The following ABI3BP variants were observed in gnomAD, a reference collection of about 807,000 sequenced individuals.
ABI3BP encodes ABI family member 3 binding protein, also known as target of Nesh-SH3.
In ABI3BP, 216 loss-of-function variants were observed where a neutral mutation model predicts 268.6. The ratio of observed to expected loss-of-function variants is 0.80; its 90% CI spans 0.72 to 0.90. ABI3BP has a LOEUF of 0.90. ABI3BP is among the 40% of genes least tolerant of loss of function. ABI3BP has a pLI of 0.00. For synonymous variants in ABI3BP, 730 were observed against 730.0 expected (o/e 1.00, Z 0.00); for missense variants, 2,090 against 2,182.4 (o/e 0.96, Z 0.84).
rs1267386670 is a variant in ABI3BP, at chr3:100,810,492, G to A, written c.3542-15C>T. 12 of 1,530,218 alleles carry A rather than the reference G, an allele frequency of 7.8e-6. No individual in the cohort carries two copies. The highest frequency in any genetic ancestry group is 3.6e-5 in the South Asian group (3 of 83,868). The allele number at this position is 1,530,218 out of a possible 1,614,324, so 94.8% of individuals were successfully genotyped here. A position where few individuals can be genotyped will look rare whatever the true frequency, so the allele number is the denominator to read the frequency against. On this transcript the variant is annotated splice_polypyrimidine_tract_variant and intron_variant, in intron 48 of 67. Coordinates refer to ENST00000471714, the MANE Select transcript of ABI3BP (RefSeq NM_001375547.2). ...AGGCGACGTTTCTATGGTAATTGAA[G>A]GAAAGTACGCGGGTTACTATAGCAC...
chr3:100,812,644 T>A, intron 45 of ABI3BP, 121 bp from the exon 46 acceptor site: 1 of 518,342 alleles, frequency 1.9e-6, no homozygotes, highest in Non-Finnish European at 3.0e-6. Context: ...TTATTAACAC[T>A]AAGGGAAGCT....
Position 100,778,366 on chromosome 3 carries a change from G to A in ABI3BP, c.4251C>T (p.Arg1417=). The change falls in exon 59 of 68, where the codon CGC becomes CGT. Residue 1417 remains arginine, a synonymous_variant. Coordinates refer to ENST00000471714, the MANE Select transcript of ABI3BP (RefSeq NM_001375547.2). ...THPTKKPGTR[R]PPLPPRPTHP... ...GTGTAGGTCTGGGTGGCAAGGGTGG[G>A]CGGCGAGTCCCTGGGATTGTGGATA... 1.3e-6 allele frequency: 2 copies of A among 1,586,986 alleles called. No homozygotes were observed. The highest frequency in any genetic ancestry group is 1.7e-6 in the Non-Finnish European group (2 of 1,168,008).
At chr3:100,885,050 G>A (rs1836986) in intron 6 of ABI3BP, among the ~76,000 whole-genome samples, 108,783 of 151,906 alleles carry the variant, frequency 0.72, 40,098 homozygotes, top group Non-Finnish European at 0.8. Flanking sequence ...GAAATGCCTG[G>A]TTCATAAAAC....
intron 4 of ABI3BP, among the ~76,000 whole-genome samples, chr3:100,887,428 A>G (rs1421622140): frequency 6.6e-6 from 1 of 152,100 alleles, no homozygotes; most frequent in Non-Finnish European, 1.5e-5. Flanking sequence ...TAAAGGGATA[A>G]CAAATACTGA....
chr3:100,923,676 T>G (rs1330085170), intron 2 of ABI3BP, among the ~76,000 whole-genome samples: 1 of 152,128 alleles, frequency 6.6e-6, no homozygotes, highest in Non-Finnish European at 1.5e-5. Context: ...CTGCAATAAC[T>G]TTTGTACCAA....
At chr3:100,918,313 CGTCCACCT>C (rs1411634977) in intron 2 of ABI3BP, among the ~76,000 whole-genome samples, 1 of 147,226 alleles carries the variant, frequency 6.8e-6, no homozygotes, top group East Asian at 1.9e-4. Context: ...CCCATCCACC[CGTCCACCT>C]GTCCACCCGT....
intron 20 of ABI3BP, chr3:100,844,242 G>A: frequency 1.0e-6 from 1 of 985,388 alleles, no homozygotes; most frequent in Non-Finnish European, 1.2e-6. Context: ...TTGGAAGACG[G>A]TCAAGTGAAA....
intron 1 of ABI3BP, among the ~76,000 whole-genome samples, chr3:100,933,861 C>G (rs1402740078): frequency 6.6e-6 from 1 of 151,836 alleles, no homozygotes; most frequent in Non-Finnish European, 1.5e-5. Flanking sequence ...TTTGTCAGGA[C>G]AGATGTTCTG....
chr3:100,848,931 G>A lies in ABI3BP; in HGVS notation c.1502-56C>T. ...ATGATATTTTTCAGGGGTCAATCAGGTTGTGCCTGTAAATTTGCAAACTCC... is the reference window on the plus strand; with the variant it reads ...ATGATATTTTTCAGGGGTCAATCAGATTGTGCCTGTAAATTTGCAAACTCC... On this transcript the variant is annotated intron_variant, in intron 17 of 67. Transcript: ENST00000471714. 4.0e-6 allele frequency: 6 copies of A among 1,501,990 alleles called. No individual in the cohort carries two copies. In the South Asian group the frequency reaches 5.8e-5, roughly 15 times the overall value. The allele number at this position is 1,501,990 out of a possible 1,614,324, so 93.0% of individuals were successfully genotyped here. A position where few individuals can be genotyped will look rare whatever the true frequency, so the allele number is the denominator to read the frequency against.
chr3:100,773,070 T>C (rs1473252955), intron 61 of ABI3BP, among the ~76,000 whole-genome samples: 1 of 121,180 alleles, frequency 8.3e-6, no homozygotes, highest in East Asian at 2.6e-4. Flanking sequence ...AGAGCGAGAG[T>C]CCATCTCAAA....
At chr3:100,992,828 T>A (rs1310643359) in intron 1 of ABI3BP, among the ~76,000 whole-genome samples, 1 of 152,212 alleles carries the variant, frequency 6.6e-6, no homozygotes, top group East Asian at 1.9e-4. Context: ...CGTACTTTGG[T>A]CTGACCTGCC....
At chr3:100,901,785 A>G (rs545485099) in intron 3 of ABI3BP, among the ~76,000 whole-genome samples, 1 of 151,994 alleles carries the variant, frequency 6.6e-6, no homozygotes, top group Non-Finnish European at 1.5e-5. Flanking sequence ...AAAAAAAAAG[A>G]AAAGCAAAAT....
chr3:100,875,796 C>T (rs2118170), intron 7 of ABI3BP, among the ~76,000 whole-genome samples: 88,441 of 152,028 alleles, frequency 0.58, 26,100 homozygotes, highest in Admixed American at 0.66. Context: ...ATTATTCTAT[C>T]ATAAGGTGTT....
At chr3:100,795,245 T>G (rs2097310153) in intron 53 of ABI3BP, among the ~76,000 whole-genome samples, 1 of 151,914 alleles carries the variant, frequency 6.6e-6, no homozygotes, top group African/African-American at 2.4e-5. Flanking sequence ...AATGGCTGGT[T>G]GAGATGGGGT....
Position 100,926,611 on chromosome 3 carries a change from A to C in ABI3BP, c.80-130T>G, listed in dbSNP as rs994115148. 7 of 797,674 alleles carry C rather than the reference A, an allele frequency of 8.8e-6. No homozygotes were observed. The African/African-American group carries it at 1.2e-4, about 14-fold the overall frequency. The allele number at this position is 797,674 out of a possible 1,614,324, so 49.4% of individuals were successfully genotyped here. A position where few individuals can be genotyped will look rare whatever the true frequency, so the allele number is the denominator to read the frequency against. Reference sequence around the variant, plus strand: ...CATGTTGTCTACTTTGCTACTCAGTATTACAGCACACACCCAAACGCCCAA... The same window carrying C: ...CATGTTGTCTACTTTGCTACTCAGTCTTACAGCACACACCCAAACGCCCAA... On this transcript the variant is annotated intron_variant, in intron 1 of 67. Coordinates refer to ENST00000471714, the MANE Select transcript of ABI3BP (RefSeq NM_001375547.2).
intron 9 of ABI3BP, among the ~76,000 whole-genome samples, chr3:100,870,701 G>T (rs1033757238): frequency 2.0e-5 from 3 of 152,072 alleles, no homozygotes; most frequent in African/African-American, 7.2e-5. Flanking sequence ...CTGGACATAC[G>T]TCCAAAGGAA....
intron 57 of ABI3BP, among the ~76,000 whole-genome samples, chr3:100,784,350 T>A (rs1167057310): frequency 6.6e-6 from 1 of 152,146 alleles, no homozygotes. Flanking sequence ...CCTGCAAGAA[T>A]GGCCATTATC....
intron 45 of ABI3BP, among the ~76,000 whole-genome samples, chr3:100,813,402 T>C (rs1578650944): frequency 6.6e-6 from 1 of 152,292 alleles, no homozygotes; most frequent in East Asian, 1.9e-4. Flanking sequence ...AAGTGGTTTG[T>C]CAACCACTTA....
At position 100,824,907 on chromosome 3, in the gene ABI3BP, A is replaced by G. The variant is rs1227819445; in HGVS notation, c.2697T>C (p.Arg899=). The G allele has an allele frequency of 6.5e-7, 1 of 1,535,974 alleles. No homozygotes were observed. The highest frequency in any genetic ancestry group is 8.7e-7 in the Non-Finnish European group (1 of 1,146,664). The change falls in exon 36 of 68, where the codon CGT becomes CGC. Residue 899 remains arginine, a synonymous_variant. Coordinates refer to ENST00000471714, the MANE Select transcript of ABI3BP (RefSeq NM_001375547.2). The part of the protein sequence containing the change: ...TKTSKRTRPP[R]PRPKTTPSPQ... ...GGCTCGGTGTAGTTTTAGGTCTGGG[A>G]CGTGGAGGGCGGGTTCTTTTTGATG...
Sources: gnomAD v4.1 joint callset for allele counts (sites outside exome capture counted in the v4.1 genomes callset) on GRCh38, gnomAD v4.1.1 for gene constraint, MANE v1.5 for transcripts, NCBI Gene and HGNC (gene_info 2026-07-23, HGNC 2026-07-21) for gene names.